The following STK32B variants were observed in gnomAD, a reference collection of about 807,000 sequenced individuals.
STK32B encodes the protein serine/threonine-protein kinase 32B.
In STK32B, 43 loss-of-function variants were observed where a neutral mutation model predicts 52.6. That is an observed-to-expected ratio of 0.82 (90% CI 0.64 to 1.05). The LOEUF is 1.05. STK32B is among the 50% of genes least tolerant of loss of function. The probability of loss-of-function intolerance (pLI) is 0.00; values close to 1 mark genes in which losing one functional copy is unlikely to be tolerated. For synonymous variants in STK32B, 238 were observed against 204.3 expected, an observed-to-expected ratio of 1.17 and a Z score of -1.41; for missense variants, 621 against 534.6, an observed-to-expected ratio of 1.16 and a Z score of -1.59.
intron 2 of STK32B, among the ~76,000 whole-genome samples, chr4:5,154,211 C>CTTTTTTT (rs3072774): frequency 8.2e-6 from 1 of 122,612 alleles, no homozygotes; most frequent in African/African-American, 3.2e-5. Flanking sequence ...CCTTCCATGT[C>CTTTTTTT]TTTTTTTTTT....
Position 5,470,234 on chromosome 4 carries a change from G to A in STK32B, c.1106+2164G>A, listed in dbSNP as rs997351976. 5.9e-5 allele frequency among the ~76,000 whole-genome samples: 9 copies of A among 152,120 alleles called. No homozygotes were observed. The South Asian group carries it at 6.2e-4, about 11-fold the overall frequency. ...GCCGAGTAGATGTTTTCTTCCTCAC[G>A]TGTAAATGGGAATTGATGAGGGAAA... On this transcript the variant is annotated intron_variant, in intron 11 of 11. Transcript: ENST00000282908. The surrounding 1 kb of genome is among the most constrained non-coding windows in gnomAD (Gnocchi z 4.6).
chr4:5,450,815 G>A (rs1361140970), intron 7 of STK32B, among the ~76,000 whole-genome samples: 1 of 152,190 alleles, frequency 6.6e-6, no homozygotes, highest in Non-Finnish European at 1.5e-5. Context: ...TACCCTGGGA[G>A]GAACTGCTGG....
At chr4:5,359,938 A>G (rs990656728) in intron 4 of STK32B, among the ~76,000 whole-genome samples, 1 of 152,208 alleles carries the variant, frequency 6.6e-6, no homozygotes, top group Non-Finnish European at 1.5e-5. Context: ...TTCAGCAGTG[A>G]AGAAACATGG....
At chr4:5,135,717 T>G (rs2108826584) in intron 1 of STK32B, among the ~76,000 whole-genome samples, 1 of 152,286 alleles carries the variant, frequency 6.6e-6, no homozygotes, top group East Asian at 1.9e-4. Flanking sequence ...TTGTTGCAGC[T>G]CCAGATATCA....
At chr4:5,492,641 C>T (rs867883969) in intron 11 of STK32B, among the ~76,000 whole-genome samples, 15 of 150,536 alleles carry the variant, frequency 1.0e-4, no homozygotes, top group Middle Eastern at 3.4e-3. Context: ...AGAGGGCATC[C>T]CTGTCTTGTG....
chr4:5,454,884 T>C (rs1210889773), intron 7 of STK32B, among the ~76,000 whole-genome samples: 1 of 152,186 alleles, frequency 6.6e-6, no homozygotes, highest in African/African-American at 2.4e-5. Flanking sequence ...CAGAAAATGC[T>C]CGTTCATGGA....
rs528853378 is a variant in STK32B, at chr4:5,150,416, A to G, written c.108+10456A>G. 9.9e-5 allele frequency among the ~76,000 whole-genome samples: 15 copies of G among 152,166 alleles called. 1 individual carries two copies. In the East Asian group the frequency reaches 2.3e-3, roughly 24 times the overall value. On this transcript the variant is annotated intron_variant, in intron 2 of 11. Transcript: ENST00000282908. ...TCCCATTTTCCTGGTTCTATATATTAAGTAGTTTTGTCTTACATCCTGGAC... is the reference window on the plus strand; with the variant it reads ...TCCCATTTTCCTGGTTCTATATATTGAGTAGTTTTGTCTTACATCCTGGAC...
At chr4:5,161,309 C>A (rs903243347) in intron 2 of STK32B, among the ~76,000 whole-genome samples, 2 of 152,188 alleles carry the variant, frequency 1.3e-5, no homozygotes, top group Admixed American at 1.3e-4. Context: ...GTTGTGGACT[C>A]AGCAGCAAGG....
chr4:5,312,943 C>G (rs966787225), intron 3 of STK32B, among the ~76,000 whole-genome samples: 2 of 152,018 alleles, frequency 1.3e-5, no homozygotes, highest in Non-Finnish European at 2.9e-5. Flanking sequence ...CATATCCTCT[C>G]CAGCACCTGT....
chr4:5,245,033 A>T (rs1301324413), intron 3 of STK32B, among the ~76,000 whole-genome samples: 6 of 152,156 alleles, frequency 3.9e-5, no homozygotes, highest in Non-Finnish European at 2.9e-5. Flanking sequence ...TGGTGCTGAA[A>T]AGAATGTGTA....
intron 11 of STK32B, among the ~76,000 whole-genome samples, chr4:5,473,387 A>G (rs1560443952): frequency 6.6e-6 from 1 of 152,300 alleles, no homozygotes; most frequent in East Asian, 1.9e-4. Flanking sequence ...CGTGGCATAG[A>G]TGGTCATGAG....
At position 5,332,932 on chromosome 4, in the gene STK32B, T is replaced by C. The variant is rs546455786; in HGVS notation, c.434+1539T>C. On this transcript the variant is annotated intron_variant, in intron 4 of 11. Transcript: ENST00000282908. ...TGGGTTGGTTCCAAGTCTTTGCTATTGTGAATAGTGCCGCAATAAACATAA... is the reference window on the plus strand; with the variant it reads ...TGGGTTGGTTCCAAGTCTTTGCTATCGTGAATAGTGCCGCAATAAACATAA... Among the ~76,000 whole-genome samples, 154 of 152,294 alleles carry C rather than the reference T, an allele frequency of 1.0e-3. 1 individual carries two copies. Among genetic ancestry groups the C allele is most frequent in the African/African-American group, 3.6e-3 (149 of 41,550 alleles).
intron 11 of STK32B, among the ~76,000 whole-genome samples, chr4:5,485,781 C>G (rs1328992880): frequency 6.6e-6 from 1 of 152,190 alleles, no homozygotes; most frequent in Non-Finnish European, 1.5e-5. Context: ...GATGTACTTT[C>G]TGTTTGTTAG....
intron 3 of STK32B, among the ~76,000 whole-genome samples, chr4:5,273,035 A>G: frequency 1.5e-5 from 2 of 137,434 alleles, no homozygotes; most frequent in Non-Finnish European, 1.6e-5. Context: ...AAAAGAAACT[A>G]CCATCAGAGT....
chr4:5,240,187 T>C (rs1022636640), intron 3 of STK32B, among the ~76,000 whole-genome samples: 2 of 152,112 alleles, frequency 1.3e-5, no homozygotes, highest in African/African-American at 4.8e-5. Context: ...TGGAATTTTT[T>C]TACTCATCTC....
the STK32B span, among the ~76,000 whole-genome samples, chr4:5,026,484 G>A: frequency 1.5e-3 from 228 of 152,322 alleles, no homozygotes; most frequent in African/African-American, 5.1e-3. Context: ...AGCAAAGGGG[G>A]AATCCCCTTA....
At chr4:5,404,278 G>T (rs986710619) in intron 5 of STK32B, among the ~76,000 whole-genome samples, 5 of 152,042 alleles carry the variant, frequency 3.3e-5, no homozygotes, top group Non-Finnish European at 7.4e-5. Context: ...CTTCTCCAGG[G>T]CCCTCTTCCA....
At chr4:5,028,954 A>G in the STK32B span, among the ~76,000 whole-genome samples, 4 of 152,218 alleles carry the variant, frequency 2.6e-5, no homozygotes, top group Non-Finnish European at 4.4e-5. Flanking sequence ...AGCACATCGC[A>G]TGGCCGGAAC....
intron 1 of STK32B, among the ~76,000 whole-genome samples, chr4:5,085,055 A>G (rs1712643926): frequency 6.6e-6 from 1 of 152,230 alleles, no homozygotes; most frequent in Non-Finnish European, 1.5e-5. Flanking sequence ...GAGACACATT[A>G]ACTTTCAAGA....
Sources: allele counts gnomAD v4.1 joint callset (sites outside exome capture counted in the v4.1 genomes callset), GRCh38; gene constraint gnomAD v4.1.1; non-coding constraint Gnocchi (gnomAD v3.1); transcripts MANE v1.5; gene names NCBI Gene and HGNC (gene_info 2026-07-23, HGNC 2026-07-21).